MYO18B: variants seen among roughly 807,000 people sequenced by gnomAD.
MYO18B encodes myosin XVIIIB, also known as unconventional myosin-XVIIIb.
A neutral mutation model predicts 273.0 loss-of-function variants in MYO18B; 204 were observed. The observed-to-expected ratio is 0.75, with a 90% confidence interval of 0.67 to 0.84. The LOEUF (loss-of-function observed/expected upper bound fraction) is 0.84. MYO18B is among the 40% of genes least tolerant of loss of function. The pLI is 0.00. For missense variants in MYO18B, 3,212 were observed against 3,287.6 expected, an observed-to-expected ratio of 0.98 and a Z score of 0.56; for synonymous variants, 1,330 against 1,305.7, an observed-to-expected ratio of 1.02 and a Z score of -0.40.
intron 1 of MYO18B, among the ~76,000 whole-genome samples, chr22:25,760,065 G>T (rs1020809434): frequency 1.3e-5 from 2 of 152,058 alleles, no homozygotes; most frequent in African/African-American, 4.8e-5. Flanking sequence ...TCCAACTATG[G>T]AACCAAGTAT....
At chr22:25,833,074 A>G (rs1351861457) in intron 16 of MYO18B, 77 bp downstream of exon 16, 8 of 1,373,918 alleles carry the variant, frequency 5.8e-6, no homozygotes, top group Admixed American at 1.7e-5. Flanking sequence ...TTGAGTCTTC[A>G]GTCTACTAGT....
At chr22:25,822,455 T>G (rs2089318346) in intron 12 of MYO18B, among the ~76,000 whole-genome samples, 1 of 152,256 alleles carries the variant, frequency 6.6e-6, no homozygotes, top group African/African-American at 2.4e-5. Flanking sequence ...TGTTTACTTG[T>G]CTGTTGTCAC....
At chr22:26,032,458 T>TAA (rs1267589745), downstream of MYO18B, among the ~76,000 whole-genome samples, 1 of 151,822 alleles carries the variant, frequency 6.6e-6, no homozygotes, top group Non-Finnish European at 1.5e-5. Flanking sequence ...TTTTCTCTTA[T>TAA]AAGAACAGCA....
chr22:25,772,308 GGAGACTCTGTGT>G lies in MYO18B; in HGVS notation c.1693-23_1693-12del. The G allele has an allele frequency of 1.2e-6, 2 of 1,605,410 alleles. No homozygotes were observed. Among genetic ancestry groups the G allele is most frequent in the Non-Finnish European group, 1.7e-6 (2 of 1,175,120 alleles). On this transcript the variant is annotated splice_polypyrimidine_tract_variant and intron_variant, in intron 6 of 43. Coordinates refer to ENST00000335473, the MANE Select transcript of MYO18B (RefSeq NM_032608.7). ...GGGGCCAGAAGGCCAGAAGGCCAGA[GGAGACTCTGTGT>G]GATGGTTTCACAGGCCAACCCTCCT...
In MYO18B at chr22:26,026,473, A is replaced by G. The variant is rs747749877; in HGVS notation, c.6499A>G (p.Arg2167Gly). The G allele has an allele frequency of 2.8e-5, 45 of 1,613,152 alleles. No individual in the cohort carries two copies. Among genetic ancestry groups the G allele is most frequent in the Non-Finnish European group, 3.6e-5 (42 of 1,179,246 alleles). The part of the protein sequence containing the change: ...RINEEAGDTE[R>G]TQSALALSRA... ...AAACGAAGAGGCTGGGGACACTGAG[A>G]GGACCCAGTCGGCATTGGCACTGAG... Residue 2167 changes from arginine to glycine, a missense_variant, in exon 43 of 44, where the codon AGG (arginine) becomes GGG (glycine). Transcript: ENST00000335473.
At chr22:26,023,890 T>G (rs1569305040) in intron 42 of MYO18B, among the ~76,000 whole-genome samples, 1 of 152,198 alleles carries the variant, frequency 6.6e-6, no homozygotes, top group Non-Finnish European at 1.5e-5. Flanking sequence ...TCCAAAGCAA[T>G]GAAGTTGACA....
chr22:25,861,015 C>T lies in MYO18B; in HGVS notation c.3886-7305C>T, dbSNP rs548608632. ...GCGATCCTCCTATTTCAGCCCCCTG[C>T]GTTGCTCAGACTACAGGCATATGCC... On this transcript the variant is annotated intron_variant, in intron 21 of 43. Transcript: ENST00000335473. Among the ~76,000 whole-genome samples, 5 of 152,046 alleles carry T rather than the reference C, an allele frequency of 3.3e-5. No individual in the cohort carries two copies. The East Asian group carries it at 5.8e-4, about 18-fold the overall frequency.
chr22:26,032,989 C>T (rs1288111035), downstream of MYO18B, among the ~76,000 whole-genome samples: 2 of 152,082 alleles, frequency 1.3e-5, no homozygotes, highest in Non-Finnish European at 2.9e-5. Flanking sequence ...AATTTTCATA[C>T]AGAATGAATA....
downstream of MYO18B, among the ~76,000 whole-genome samples, chr22:26,031,699 G>C (rs1267108713): frequency 2.0e-5 from 3 of 152,182 alleles, no homozygotes; most frequent in Non-Finnish European, 4.4e-5. Context: ...TCTCATCTCT[G>C]ATCATCCTCA....
rs552921807 is a variant in MYO18B at position 25,940,173 on chromosome 22, C to G, written c.5518-5964C>G. ...TTCCCACACAAATCTCATCTTGAAT[C>G]AAAAGTAGCTCCCATAATTCCCACG... On this transcript the variant is annotated intron_variant, in intron 34 of 43. Coordinates refer to ENST00000335473, the MANE Select transcript of MYO18B (RefSeq NM_032608.7). 5.9e-5 allele frequency among the ~76,000 whole-genome samples: 9 copies of G among 152,302 alleles called. No individual in the cohort carries two copies. The East Asian group carries it at 1.7e-3, about 29-fold the overall frequency.
chr22:25,795,953 G>A (rs2087889234), intron 11 of MYO18B, among the ~76,000 whole-genome samples: 1 of 152,294 alleles, frequency 6.6e-6, no homozygotes, highest in Middle Eastern at 3.4e-3. Flanking sequence ...CCTTGAGCAA[G>A]TGTTACCCGC....
chr22:25,823,192 G>A (rs917652247), intron 12 of MYO18B, among the ~76,000 whole-genome samples: 1 of 152,150 alleles, frequency 6.6e-6, no homozygotes, highest in Non-Finnish European at 1.5e-5. Flanking sequence ...ATGTGGGTGG[G>A]TGAATCAATC....
chr22:26,023,870 G>A (rs1170632135), intron 42 of MYO18B, among the ~76,000 whole-genome samples: 1 of 152,172 alleles, frequency 6.6e-6, no homozygotes, highest in African/African-American at 2.4e-5. Context: ...CTGTGTATTC[G>A]AGGAGGGATT....
rs559608927 is a variant in MYO18B at position 25,915,594 on chromosome 22, T to C, written c.5364+4544T>C. ...TGTAACTTTAATAAGGTTAAATCAG[T>C]CTTGTATTTGTAATTTTCTAATATC... On this transcript the variant is annotated intron_variant, in intron 33 of 43. Coordinates refer to ENST00000335473, the MANE Select transcript of MYO18B (RefSeq NM_032608.7). 2.0e-5 allele frequency among the ~76,000 whole-genome samples: 3 copies of C among 152,284 alleles called. No homozygotes were observed. In the South Asian group the frequency reaches 6.2e-4, roughly 32 times the overall value.
intron 21 of MYO18B, among the ~76,000 whole-genome samples, chr22:25,858,131 A>T (rs2090627570): frequency 1.3e-5 from 2 of 152,230 alleles, no homozygotes; most frequent in African/African-American, 4.8e-5. Flanking sequence ...ACCCTTATGG[A>T]ATGATTTGGC....
chr22:25,957,050 A>C (rs1047812640), intron 39 of MYO18B, among the ~76,000 whole-genome samples: 9 of 152,150 alleles, frequency 5.9e-5, no homozygotes, highest in African/African-American at 2.2e-4. Flanking sequence ...GGGAGAGAGA[A>C]AAGCTCTTTC....
chr22:26,056,874 C>T, the MYO18B span, among the ~76,000 whole-genome samples: 3 of 152,204 alleles, frequency 2.0e-5, no homozygotes, highest in Admixed American at 6.5e-5. Context: ...CTCACTGCTA[C>T]ATAATGAACG....
At chr22:25,946,358 T>C (rs2092712960) in intron 35 of MYO18B, 108 bp downstream of exon 35, 2 of 681,350 alleles carry the variant, frequency 2.9e-6, no homozygotes, top group Middle Eastern at 3.6e-4. Flanking sequence ...AGGACATTTA[T>C]TGTAAACCTA....
At chr22:25,976,701 T>C (rs577646610) in intron 39 of MYO18B, among the ~76,000 whole-genome samples, 4 of 152,264 alleles carry the variant, frequency 2.6e-5, no homozygotes, top group African/African-American at 9.6e-5. Flanking sequence ...GGATCTGGCA[T>C]TGATCACCAG....
Sources: gnomAD v4.1 joint callset for allele counts (sites outside exome capture counted in the v4.1 genomes callset) on GRCh38, gnomAD v4.1.1 for gene constraint, MANE v1.5 for transcripts, NCBI Gene and HGNC (gene_info 2026-07-23, HGNC 2026-07-21) for gene names.